The following NXPE2 variants were observed in gnomAD, a reference collection of about 807,000 sequenced individuals.
NXPE2 encodes the protein NXPE family member 2.
A neutral mutation model predicts 34.4 loss-of-function variants in NXPE2; 34 were observed. The ratio of observed to expected loss-of-function variants is 0.99; its 90% CI spans 0.75 to 1.31. NXPE2 has a LOEUF of 1.31. NXPE2 is among the 40% of genes most tolerant of loss of function. NXPE2 has a pLI of 0.00. For missense variants in NXPE2, 649 were observed against 672.5 expected, an observed-to-expected ratio of 0.97 and a Z score of 0.39; for synonymous variants, 235 against 231.3, an observed-to-expected ratio of 1.02 and a Z score of -0.15.
chr11:114,642,774 T>C, the NXPE2 span, among the ~76,000 whole-genome samples: 1 of 152,122 alleles, frequency 6.6e-6, no homozygotes, highest in East Asian at 1.9e-4. Context: ...TTTGGGTATA[T>C]ACCCAGTACT....
chr11:114,633,238 CAT>C, the NXPE2 span, among the ~76,000 whole-genome samples: 17 of 129,688 alleles, frequency 1.3e-4, no homozygotes, highest in East Asian at 2.1e-4. Flanking sequence ...ATATATGTAA[CAT>C]ATAATATATA....
At chr11:114,671,770 A>T in the NXPE2 span, among the ~76,000 whole-genome samples, 3 of 152,072 alleles carry the variant, frequency 2.0e-5, no homozygotes, top group Non-Finnish European at 4.4e-5. Context: ...TAGCCAACAG[A>T]TCTGTTTTAC....
At chr11:114,492,541 C>CTT in the NXPE2 span, among the ~76,000 whole-genome samples, 11 of 141,424 alleles carry the variant, frequency 7.8e-5, no homozygotes, top group East Asian at 6.2e-4. Context: ...GTTTCTTTTT[C>CTT]TTTTTTTTTT....
the NXPE2 span, among the ~76,000 whole-genome samples, chr11:114,475,169 T>TCAAC: frequency 6.6e-6 from 1 of 151,138 alleles, no homozygotes; most frequent in Non-Finnish European, 1.5e-5. Flanking sequence ...TCCAACATTT[T>TCAAC]ATCCTTTCAT....
chr11:114,524,597 G>A, the NXPE2 span, among the ~76,000 whole-genome samples: 1 of 152,070 alleles, frequency 6.6e-6, no homozygotes, highest in Non-Finnish European at 1.5e-5. Flanking sequence ...AGGCTTGATA[G>A]CATTGCACCC....
the NXPE2 span, among the ~76,000 whole-genome samples, chr11:114,488,153 CTT>C: frequency 6.6e-6 from 1 of 152,008 alleles, no homozygotes; most frequent in African/African-American, 2.4e-5. Flanking sequence ...TGCTGGGAGA[CTT>C]TTTGTTATGG....
chr11:114,665,403 G>T, the NXPE2 span, among the ~76,000 whole-genome samples: 1 of 152,078 alleles, frequency 6.6e-6, no homozygotes, highest in African/African-American at 2.4e-5. Flanking sequence ...TGTGAACATA[G>T]CACAACCTGA....
At chr11:114,808,062 T>C in the NXPE2 span, among the ~76,000 whole-genome samples, 28 of 152,158 alleles carry the variant, frequency 1.8e-4, no homozygotes, top group African/African-American at 6.3e-4. Flanking sequence ...CTCAACTACA[T>C]GGAAACTGAA....
chr11:114,619,648 T>A, the NXPE2 span, among the ~76,000 whole-genome samples: 1 of 152,048 alleles, frequency 6.6e-6, no homozygotes. Context: ...TGTTACCCTG[T>A]GGATAATAAG....
chr11:114,684,099 T>C (rs968829121), intron 2 of NXPE2, among the ~76,000 whole-genome samples: 2 of 152,160 alleles, frequency 1.3e-5, no homozygotes, highest in Non-Finnish European at 2.9e-5. Context: ...GTTGAATATA[T>C]AGATCTGAAG....
At chr11:114,633,294 CTAATG>C in the NXPE2 span, among the ~76,000 whole-genome samples, 1 of 134,068 alleles carries the variant, frequency 7.5e-6, no homozygotes, top group African/African-American at 2.8e-5. Context: ...TTATAAAATT[CTAATG>C]TAATAAAATA....
At chr11:114,568,034 A>G in the NXPE2 span, among the ~76,000 whole-genome samples, 1 of 152,142 alleles carries the variant, frequency 6.6e-6, no homozygotes, top group Non-Finnish European at 1.5e-5. Context: ...ACATTGCCAC[A>G]GTGTGTATAT....
At chr11:114,667,431 A>G in the NXPE2 span, among the ~76,000 whole-genome samples, 1 of 152,262 alleles carries the variant, frequency 6.6e-6, no homozygotes, top group Middle Eastern at 3.4e-3. Flanking sequence ...TAAACACGCA[A>G]CACCAAAGAT....
the NXPE2 span, among the ~76,000 whole-genome samples, chr11:114,651,574 C>T: frequency 1.3e-5 from 2 of 152,200 alleles, no homozygotes; most frequent in African/African-American, 4.8e-5. Context: ...AGCCTTTATT[C>T]CCTTATTTGG....
the NXPE2 span, among the ~76,000 whole-genome samples, chr11:114,772,498 G>A: frequency 1.4e-4 from 21 of 152,124 alleles, no homozygotes; most frequent in Non-Finnish European, 2.9e-4. Flanking sequence ...TATCTTACAT[G>A]TAATATGTGA....
chr11:114,705,656 A>C (rs1712840), intron 4 of NXPE2, 125 bp from the exon 5 acceptor site: 1 of 548,868 alleles, frequency 1.8e-6, no homozygotes, highest in East Asian at 3.2e-5. Flanking sequence ...GAAGAGAGGA[A>C]GGCAAAATAG....
intron 2 of NXPE2, among the ~76,000 whole-genome samples, chr11:114,696,023 A>C (rs1449786718): frequency 6.6e-6 from 1 of 151,716 alleles, no homozygotes; most frequent in Non-Finnish European, 1.5e-5. Context: ...ATCTCGATTA[A>C]GAAAAAAAAG....
chr11:114,625,044 GT>G, the NXPE2 span, among the ~76,000 whole-genome samples: 1 of 152,040 alleles, frequency 6.6e-6, no homozygotes, highest in East Asian at 1.9e-4. Flanking sequence ...GGTAAACACT[GT>G]TACCCTGTGG....
the NXPE2 span, among the ~76,000 whole-genome samples, chr11:114,630,278 A>G: frequency 6.6e-6 from 1 of 151,648 alleles, no homozygotes; most frequent in Admixed American, 6.6e-5. Context: ...AACTATACTA[A>G]AAGGCTACAG....
Sources: gnomAD v4.1 joint callset for allele counts (sites outside exome capture counted in the v4.1 genomes callset) on GRCh38, gnomAD v4.1.1 for gene constraint, MANE v1.5 for transcripts, NCBI Gene and HGNC (gene_info 2026-07-23, HGNC 2026-07-21) for gene names.